The following FITM2 variants were observed in gnomAD, a reference collection of about 807,000 sequenced individuals.
The protein encoded by FITM2 is fat storage inducing transmembrane protein 2.
FITM2 carries 16 observed loss-of-function variants against 23.3 expected under a neutral mutation model. That is an observed-to-expected ratio of 0.69 (90% confidence interval 0.47 to 1.05). The LOEUF is 1.05. FITM2 is among the 50% of genes least tolerant of loss of function. FITM2 has a pLI of 0.00. For synonymous variants in FITM2, 132 were observed against 142.0 expected, an observed-to-expected ratio of 0.93 and a Z score of 0.50; for missense variants, 273 against 327.5, an observed-to-expected ratio of 0.83 and a Z score of 1.29.
chr20:44,308,710 T>A (rs901656661), intron 1 of FITM2, among the ~76,000 whole-genome samples: 7 of 151,818 alleles, frequency 4.6e-5, no homozygotes, highest in Non-Finnish European at 7.4e-5. Flanking sequence ...TAATTTTTTT[T>A]AATTATTATT....
chr20:44,310,930 G>A (rs1355106145), intron 1 of FITM2, 46 bp downstream of exon 1: 1 of 1,503,712 alleles, frequency 6.7e-7, no homozygotes, highest in Non-Finnish European at 8.9e-7. Flanking sequence ...CGAGGCGACA[G>A]CGGGCCGGCT....
chr20:44,311,059 G>A lies in FITM2; in HGVS notation c.90C>T (p.Ala30=). The part of the protein sequence containing the change: ...VRRYLPWALV[A]SMLAGSLLKE... ...TGAGGAGGGAGCCCGCCAGCATGGA[G>A]GCCACCAGGGCCCAGGGCAGGTAGC... Residue 30 remains alanine (A), a synonymous_variant, in exon 1 of 2, where the codon GCC becomes GCT. Coordinates refer to ENST00000396825, the MANE Select transcript of FITM2 (RefSeq NM_001080472.4). 2.5e-6 allele frequency: 4 copies of A among 1,609,582 alleles called. No individual in the cohort carries two copies. The highest frequency in any genetic ancestry group is 2.5e-6 in the Non-Finnish European group (3 of 1,178,378).
chr20:44,308,319 G>GAGCTTTC (rs1352527444), intron 1 of FITM2, among the ~76,000 whole-genome samples: 2 of 152,188 alleles, frequency 1.3e-5, no homozygotes, highest in Non-Finnish European at 2.9e-5. Context: ...CAAATGCCAG[G>GAGCTTTC]AGCTTTCACA....
intron 1 of FITM2, among the ~76,000 whole-genome samples, chr20:44,310,060 C>A (rs1173951591): frequency 6.6e-6 from 1 of 152,178 alleles, no homozygotes; most frequent in Non-Finnish European, 1.5e-5. Context: ...GAAGATCTTG[C>A]CAGAGCCAAG....
At position 44,311,188 on chromosome 20, in the gene FITM2, C is replaced by A; in HGVS notation, c.-40G>T. 6.3e-7 allele frequency: 1 copy of A among 1,590,140 alleles called. No individual in the cohort carries two copies. Among genetic ancestry groups the A allele is most frequent in the Non-Finnish European group, 8.6e-7 (1 of 1,167,162 alleles). ...GCCACCGTCCTCCTCTCCGTGCCCT[C>A]TCGGCCACCGTATCGCCCTTCGCCC... On this transcript the variant is annotated 5_prime_UTR_variant, in exon 1 of 2. Coordinates refer to ENST00000396825, the MANE Select transcript of FITM2 (RefSeq NM_001080472.4).
At position 44,311,132 on chromosome 20, in the gene FITM2, CG is replaced by C; in HGVS notation, c.16del (p.Arg6AlafsTer78). On this transcript the variant is annotated frameshift_variant, in exon 1 of 2. Transcript: ENST00000396825. LOFTEE classifies it high-confidence loss of function. ...CGTCCCCCGCAACAACCACTCGCAG[CG>C]CTCCAGATGCTCCATGCCGGATCTC... MEHLE[R>X]CEWLLRGTLV... The C allele has an allele frequency of 1.9e-6, 3 of 1,612,630 alleles. No individual in the cohort carries two copies. Among genetic ancestry groups the C allele is most frequent in the Middle Eastern group, 3.3e-4 (2 of 6,054 alleles).
At position 44,311,121 on chromosome 20, in the gene FITM2, A is replaced by T; in HGVS notation, c.28T>A (p.Leu10Met). 6.2e-7 allele frequency: 1 copy of T among 1,612,774 alleles called. No individual in the cohort carries two copies. The highest frequency in any genetic ancestry group is 8.5e-7 in the Non-Finnish European group (1 of 1,179,516). Residue 10 changes from leucine to methionine, a missense_variant, in exon 1 of 2, where the codon TTG becomes ATG. Physicochemically the swap from Leu to Met is conservative, Grantham distance 15. Coordinates refer to ENST00000396825, the MANE Select transcript of FITM2 (RefSeq NM_001080472.4). MEHLERCEW[L>M]LRGTLVRAAV... is the part of the protein sequence containing the mutation. The stretch of plus-strand genomic sequence containing the variant: ...GCCCGCACCAGCGTCCCCCGCAACA[A>T]CCACTCGCAGCGCTCCAGATGCTCC...
chr20:44,304,773 A>G lies in FITM2; in HGVS notation c.*1852T>C, dbSNP rs2062685257. On this transcript the variant is annotated 3_prime_UTR_variant, in exon 2 of 2. Coordinates refer to ENST00000396825, the MANE Select transcript of FITM2 (RefSeq NM_001080472.4). ...GACCCTGAAGCACACTGTTCAGTCTATACCACTGATATGTGGTCAGGGACA... is the reference window on the plus strand; with the variant it reads ...GACCCTGAAGCACACTGTTCAGTCTGTACCACTGATATGTGGTCAGGGACA... 1 of 152,318 alleles carries G rather than the reference A, an allele frequency of 6.6e-6. No individual in the cohort carries two copies. 9.4% of individuals were successfully genotyped at this position (152,318 alleles called of 1,614,324 possible). A position where few individuals can be genotyped will look rare whatever the true frequency, so the allele number is the denominator to read the frequency against.
chr20:44,303,569 A>G lies in FITM2; in HGVS notation c.*3056T>C, dbSNP rs1304948203. The G allele has an allele frequency of 6.6e-6, 1 of 151,980 alleles. No individual in the cohort carries two copies. The highest frequency in any genetic ancestry group is 1.5e-5 in the Non-Finnish European group (1 of 68,010). The allele number at this position is 151,980 out of a possible 1,614,324, so 9.4% of individuals were successfully genotyped here. A position where few individuals can be genotyped will look rare whatever the true frequency, so the allele number is the denominator to read the frequency against. On this transcript the variant is annotated 3_prime_UTR_variant, in exon 2 of 2. Coordinates refer to ENST00000396825, the MANE Select transcript of FITM2 (RefSeq NM_001080472.4). ...TCTGGAGATTTAAGTGTCACAAATG[A>G]ACTTCTGGGGTCACCCTGTGCCTAT...
chr20:44,307,057 G>T lies in FITM2; in HGVS notation c.357C>A (p.Gly119=). The change falls in exon 2 of 2, where the codon GGC becomes GGA. Residue 119 remains glycine, a synonymous_variant. Transcript: ENST00000396825. The part of the protein sequence containing the change: ...SIFSNIEHYT[G]SCYQSPALEG... Reference sequence around the variant, plus strand: ...CCAGGGCTGGGGACTGGTAGCAGCTGCCCGTGTAGTGTTCGATGTTGGAGA... The same window carrying T: ...CCAGGGCTGGGGACTGGTAGCAGCTTCCCGTGTAGTGTTCGATGTTGGAGA... 6.2e-7 allele frequency: 1 copy of T among 1,614,204 alleles called. No homozygotes were observed. The highest frequency in any genetic ancestry group is 8.5e-7 in the Non-Finnish European group (1 of 1,180,046).
chr20:44,311,196 CCGTAT>C lies in FITM2; in HGVS notation c.-53_-49del. 6.3e-7 allele frequency: 1 copy of C among 1,576,346 alleles called. No homozygotes were observed. Among genetic ancestry groups the C allele is most frequent in the African/African-American group, 1.4e-5 (1 of 73,950 alleles). ...CCTCCTCTCCGTGCCCTCTCGGCCA[CCGTAT>C]CGCCCTTCGCCCGGACCTGCGCCTC... On this transcript the variant is annotated 5_prime_UTR_variant, in exon 1 of 2. Coordinates refer to ENST00000396825, the MANE Select transcript of FITM2 (RefSeq NM_001080472.4).
chr20:44,303,453 G>A lies in FITM2; in HGVS notation c.*3172C>T, dbSNP rs1417545068. The A allele has an allele frequency of 6.6e-6, 1 of 152,220 alleles. No homozygotes were observed. Among genetic ancestry groups the A allele is most frequent in the Admixed American group, 6.5e-5 (1 of 15,278 alleles). The allele number at this position is 152,220 out of a possible 1,614,324, so 9.4% of individuals were successfully genotyped here. On this transcript the variant is annotated 3_prime_UTR_variant, in exon 2 of 2. Transcript: ENST00000396825. ...GGCTAAGCATGGACAAGTGGCGGAAGCCTCATCGATACAGAAGGCTCTGCA... is the reference window on the plus strand; with the variant it reads ...GGCTAAGCATGGACAAGTGGCGGAAACCTCATCGATACAGAAGGCTCTGCA...
In FITM2 at chr20:44,303,123, C is replaced by T. The variant is rs553666736; in HGVS notation, c.*3502G>A. ...AAAGACCCAGACTCCAAATGGCACC[C>T]AAAATATATTCGTTTCTCTGCCTTC... is the stretch of plus-strand genomic sequence containing the variant. On this transcript the variant is annotated 3_prime_UTR_variant, in exon 2 of 2. Transcript: ENST00000396825. 37 of 152,226 alleles carry T rather than the reference C, an allele frequency of 2.4e-4. No individual in the cohort carries two copies. The highest frequency in any genetic ancestry group is 8.4e-4 in the African/African-American group (35 of 41,544). 9.4% of individuals were successfully genotyped at this position (152,226 alleles called of 1,614,324 possible).
At chr20:44,308,680 T>C (rs2062697120) in intron 1 of FITM2, among the ~76,000 whole-genome samples, 1 of 150,452 alleles carries the variant, frequency 6.6e-6, no homozygotes, top group South Asian at 2.1e-4. Flanking sequence ...GGATTACAGG[T>C]GTGTACCAAT....
chr20:44,304,675 G>T lies in FITM2; in HGVS notation c.*1950C>A, dbSNP rs1253543699. On this transcript the variant is annotated 3_prime_UTR_variant, in exon 2 of 2. Coordinates refer to ENST00000396825, the MANE Select transcript of FITM2 (RefSeq NM_001080472.4). ...GAGGGAGGCATTTTACTTCACTTCT[G>T]AATTATCATAATCTTGTCCAACAGG... 6.6e-6 allele frequency: 1 copy of T among 152,324 alleles called. No homozygotes were observed. Among genetic ancestry groups the T allele is most frequent in the South Asian group, 2.1e-4 (1 of 4,818 alleles). 9.4% of individuals were successfully genotyped at this position (152,324 alleles called of 1,614,324 possible). A position where few individuals can be genotyped will look rare whatever the true frequency, so the allele number is the denominator to read the frequency against.
In FITM2 at chr20:44,306,303, C is replaced by T. The variant is rs951507574; in HGVS notation, c.*322G>A. ...GCTCTGGCCACTCCTTTAGCCACAC[C>T]ATAAAGGCTTTCCTGATTCTGCCCT... On this transcript the variant is annotated 3_prime_UTR_variant, in exon 2 of 2. Transcript: ENST00000396825. The T allele has an allele frequency of 2.4e-5, 8 of 328,984 alleles. No homozygotes were observed. Among genetic ancestry groups the T allele is most frequent in the East Asian group, 7.6e-5 (1 of 13,224 alleles). 20.4% of individuals were successfully genotyped at this position (328,984 alleles called of 1,614,324 possible).
At position 44,307,066 on chromosome 20, in the gene FITM2, G is replaced by C. The variant is rs774507689; in HGVS notation, c.348C>G (p.His116Gln). The C allele has an allele frequency of 6.2e-7, 1 of 1,614,228 alleles. No homozygotes were observed. Among genetic ancestry groups the C allele is most frequent in the Non-Finnish European group, 8.5e-7 (1 of 1,180,044 alleles). ...ICTSIFSNIE[H>Q]YTGSCYQSPA... ...GGGACTGGTAGCAGCTGCCCGTGTA[G>C]TGTTCGATGTTGGAGAAGATGGAGG... is the stretch of plus-strand genomic sequence containing the variant. Residue 116 changes from histidine to glutamine, a missense_variant, in exon 2 of 2, where the codon CAC (histidine) becomes CAG (glutamine). Physicochemically the swap from His to Gln is conservative, Grantham distance 24. Coordinates refer to ENST00000396825, the MANE Select transcript of FITM2 (RefSeq NM_001080472.4).
intron 1 of FITM2, among the ~76,000 whole-genome samples, chr20:44,307,684 C>A (rs1169543096): frequency 2.0e-5 from 3 of 151,936 alleles, no homozygotes; most frequent in African/African-American, 7.2e-5. Context: ...CCTTGGCCTC[C>A]CAAAGTCCTG....
chr20:44,308,262 T>C (rs2062696173), intron 1 of FITM2, among the ~76,000 whole-genome samples: 2 of 152,128 alleles, frequency 1.3e-5, no homozygotes, highest in South Asian at 4.1e-4. Context: ...ACTATGTTAT[T>C]TACTTAGGAA....
Sources: allele counts gnomAD v4.1 joint callset (sites outside exome capture counted in the v4.1 genomes callset), GRCh38; gene constraint gnomAD v4.1.1; transcripts MANE v1.5; gene names NCBI Gene and HGNC (gene_info 2026-07-23, HGNC 2026-07-21).